ZDHHC4: variants seen among roughly 807,000 people sequenced by gnomAD.
ZDHHC4 encodes the protein palmitoyltransferase ZDHHC4.
Under a neutral mutation model 36.7 loss-of-function variants are expected in ZDHHC4, and 42 were observed. The observed-to-expected ratio is 1.14, with a 90% CI of 0.89 to 1.48. The LOEUF is 1.48. Ranked by LOEUF, ZDHHC4 falls within the 40% of genes most tolerant of loss-of-function variation. ZDHHC4 has a pLI of 0.00. For synonymous variants in ZDHHC4, 189 were observed against 166.6 expected (o/e 1.13, Z -1.03); for missense variants, 457 against 421.5 (o/e 1.08, Z -0.74).
At chr7:6,580,185 G>C (rs1163777492) in intron 2 of ZDHHC4, among the ~76,000 whole-genome samples, 1 of 151,358 alleles carries the variant, frequency 6.6e-6, no homozygotes, top group Non-Finnish European at 1.5e-5. Context: ...TTATTAAATT[G>C]AGACAGGGCC....
At chr7:6,578,349 C>T (rs1346399532) in intron 1 of ZDHHC4, among the ~76,000 whole-genome samples, 1 of 151,962 alleles carries the variant, frequency 6.6e-6, no homozygotes, top group Non-Finnish European at 1.5e-5. Flanking sequence ...AGGCTGGTCT[C>T]GAACTCTTAA....
Position 6,583,446 on chromosome 7 carries a change from C to T in ZDHHC4, c.496+15C>T, listed in dbSNP as rs377497863. On this transcript the variant is annotated intron_variant, in intron 6 of 7. Coordinates refer to ENST00000335965, the MANE Select transcript of ZDHHC4 (RefSeq NM_001134389.2). ...CAAGCACTGCAGTGAGTGTGGCTCT[C>T]GTGACTCCAGCGGCACCTCCAACAG... 9 of 1,599,186 alleles carry T rather than the reference C, an allele frequency of 5.6e-6. No individual in the cohort carries two copies. The highest frequency in any genetic ancestry group is 4.5e-5 in the South Asian group (4 of 89,286).
In ZDHHC4 at chr7:6,580,633, C is replaced by T. The variant is rs1466316218; in HGVS notation, c.72C>T (p.Cys24=). Residue 24 remains cysteine, a synonymous_variant, in exon 3 of 8, where the codon TGC becomes TGT. Transcript: ENST00000335965. ...VLMGLVLICV[C]SKTHSLKGLA... ...TGGGTCTTGTTCTTATCTGCGTCTGCTCGAAAACCCATAGCTTGAAAGGCC... is the reference window on the plus strand; with the variant it reads ...TGGGTCTTGTTCTTATCTGCGTCTGTTCGAAAACCCATAGCTTGAAAGGCC... 3 of 1,614,130 alleles carry T rather than the reference C, an allele frequency of 1.9e-6. No individual in the cohort carries two copies. Among genetic ancestry groups the T allele is most frequent in the South Asian group, 2.2e-5 (2 of 91,084 alleles).
intron 6 of ZDHHC4, 129 bp downstream of exon 6, chr7:6,583,560 G>A: frequency 1.6e-6 from 2 of 1,252,450 alleles, no homozygotes; most frequent in Non-Finnish European, 2.2e-6. Flanking sequence ...GCCACTACTT[G>A]TAGAGTTGAG....
rs1401631702 is a variant in ZDHHC4 at position 6,588,856 on chromosome 7, T to TC, written c.982dup (p.Gln328ProfsTer12). The TC allele has an allele frequency of 3.1e-6, 5 of 1,612,378 alleles. No individual in the cohort carries two copies. The Admixed American group carries it at 5.0e-5, about 16-fold the overall frequency. On this transcript the variant is annotated frameshift_variant, in exon 8 of 8. Transcript: ENST00000335965. LOFTEE classifies it high-confidence loss of function. ...ACTCCCATGGGCTTCGGAGCAACCT[T>TC]CAAGAGATCTTTCTACCTGCCTTTC... is the stretch of plus-strand genomic sequence containing the variant.
At chr7:6,582,506 G>A (rs4075107) in intron 5 of ZDHHC4, among the ~76,000 whole-genome samples, 12 of 151,856 alleles carry the variant, frequency 7.9e-5, no homozygotes, top group African/African-American at 2.4e-4. Flanking sequence ...GCATGTGATC[G>A]GTATGGTACT....
chr7:6,585,227 C>A lies in ZDHHC4; in HGVS notation c.708C>A (p.His236Gln), dbSNP rs774689304. 1.1e-5 allele frequency: 18 copies of A among 1,614,070 alleles called. No individual in the cohort carries two copies. In the Admixed American group the frequency reaches 2.8e-4, roughly 25 times the overall value. The change falls in exon 7 of 8, where the codon CAC (histidine) becomes CAA (glutamine). Residue 236 changes from histidine (H) to glutamine (Q), a missense_variant. Transcript: ENST00000335965. ...YQETYIDDLGHLHVMDTVFLI... is the reference protein window; with the variant it reads ...YQETYIDDLGQLHVMDTVFLI... The stretch of plus-strand genomic sequence containing the variant: ...AGACTTACATCGATGACCTTGGACA[C>A]CTCCATGTTATGGACACGGTCTTTC...
At chr7:6,583,807 C>G (rs890519323) in intron 6 of ZDHHC4, 2 of 160,596 alleles carry the variant, frequency 1.2e-5, no homozygotes, top group Non-Finnish European at 2.7e-5. Flanking sequence ...CTGGGCGCAG[C>G]GGTTCATGCC....
At chr7:6,578,119 C>T (rs1324448824) in intron 1 of ZDHHC4, among the ~76,000 whole-genome samples, 3 of 151,870 alleles carry the variant, frequency 2.0e-5, no homozygotes, top group Non-Finnish European at 2.9e-5. Context: ...CGTGAGCCAC[C>T]GCGCCCGGCC....
chr7:6,584,993 C>G (rs138194785), intron 6 of ZDHHC4, 23 bp from the exon 7 acceptor site: 2 of 1,612,392 alleles, frequency 1.2e-6, no homozygotes, highest in Middle Eastern at 1.7e-4. Context: ...CATCCCAGCA[C>G]GTGCCCCCTT....
chr7:6,587,168 A>T (rs892114178), intron 7 of ZDHHC4, among the ~76,000 whole-genome samples: 16 of 151,902 alleles, frequency 1.1e-4, no homozygotes, highest in Non-Finnish European at 2.1e-4. Flanking sequence ...TGGCCTCCCA[A>T]AGTGCTGGGA....
chr7:6,587,855 A>G (rs1295336442), intron 7 of ZDHHC4, among the ~76,000 whole-genome samples: 2 of 152,150 alleles, frequency 1.3e-5, no homozygotes, highest in South Asian at 2.1e-4. Flanking sequence ...CCCTGTTTCT[A>G]TTGATTTATT....
chr7:6,585,124 C>A lies in ZDHHC4; in HGVS notation c.605C>A (p.Thr202Lys), dbSNP rs115088833. ...TTCCTCATCTACGTCTTGACCTTGA[C>A]GGCCTCGGCTGCCACCGTCGCCATT... Reference protein sequence around the residue: ...RYFLIYVLTLTASAATVAIVS... With the variant: ...RYFLIYVLTLKASAATVAIVS... Residue 202 changes from threonine to lysine, a missense_variant, in exon 7 of 8, where the codon ACG (threonine) becomes AAG (lysine). Coordinates refer to ENST00000335965, the MANE Select transcript of ZDHHC4 (RefSeq NM_001134389.2). 6.2e-7 allele frequency: 1 copy of A among 1,613,978 alleles called. No individual in the cohort carries two copies. The highest frequency in any genetic ancestry group is 2.2e-5 in the East Asian group (1 of 44,890).
At chr7:6,578,241 C>T (rs1352769690) in intron 1 of ZDHHC4, among the ~76,000 whole-genome samples, 1 of 152,208 alleles carries the variant, frequency 6.6e-6, no homozygotes, top group Non-Finnish European at 1.5e-5. Context: ...CATCCTTCCA[C>T]CTCAGCCTCC....
chr7:6,581,541 C>G (rs1780854148), intron 3 of ZDHHC4, 66 bp from the exon 4 acceptor site: 1 of 1,259,944 alleles, frequency 7.9e-7, no homozygotes, highest in Non-Finnish European at 1.2e-6. Context: ...TGTGGAGTGT[C>G]TGATTTGTTT....
chr7:6,583,427 C>G lies in ZDHHC4; in HGVS notation c.492C>G (p.His164Gln), dbSNP rs1332951730. The G allele has an allele frequency of 6.2e-7, 1 of 1,609,472 alleles. No individual in the cohort carries two copies. Among genetic ancestry groups the G allele is most frequent in the Non-Finnish European group, 8.5e-7 (1 of 1,176,804 alleles). The change falls in exon 6 of 8, where the codon CAC (histidine) becomes CAG (glutamine). Residue 164 changes from histidine to glutamine, a missense_variant. His to Gln is a conservative substitution (Grantham distance 24, BLOSUM62 0). Coordinates refer to ENST00000335965, the MANE Select transcript of ZDHHC4 (RefSeq NM_001134389.2). The part of the protein sequence containing the change: ...CDLRKPARSK[H>Q]CSVCNWCVHR... ...TAAGGAAACCAGCTCGATCCAAGCA[C>G]TGCAGTGAGTGTGGCTCTCGTGACT...
chr7:6,586,149 G>GA (rs1456484455), intron 7 of ZDHHC4, among the ~76,000 whole-genome samples: 2 of 149,882 alleles, frequency 1.3e-5, no homozygotes, highest in Admixed American at 1.3e-4. Context: ...GCGAAAGAGA[G>GA]AAACTCCATC....
At chr7:6,582,663 G>A (rs901263215) in intron 5 of ZDHHC4, among the ~76,000 whole-genome samples, 2 of 151,986 alleles carry the variant, frequency 1.3e-5, no homozygotes, top group Non-Finnish European at 2.9e-5. Context: ...GACTACAGGC[G>A]TGCGCCACCA....
chr7:6,582,329 C>G, intron 5 of ZDHHC4, 78 bp downstream of exon 5: 2 of 1,291,004 alleles, frequency 1.5e-6, no homozygotes, highest in South Asian at 1.7e-5. Flanking sequence ...AGGAGAGGCC[C>G]CCCCTGAGGA....
Sources: allele counts gnomAD v4.1 joint callset (sites outside exome capture counted in the v4.1 genomes callset), GRCh38; gene constraint gnomAD v4.1.1; transcripts MANE v1.5; gene names NCBI Gene and HGNC (gene_info 2026-07-23, HGNC 2026-07-21).